The following PARD6G variants were observed in gnomAD, a reference collection of about 807,000 sequenced individuals.
The protein encoded by PARD6G is par-6 family cell polarity regulator gamma, also known as partitioning defective 6 homolog gamma.
A neutral mutation model predicts 10.7 loss-of-function variants in PARD6G; 7 were observed. The ratio of observed to expected loss-of-function variants is 0.66; its 90% CI spans 0.37 to 1.23. PARD6G has a LOEUF of 1.23. Among genes scored for constraint, PARD6G ranks in the 50% most tolerant of loss-of-function variants. PARD6G has a pLI of 0.02. For missense variants in PARD6G, 548 were observed against 571.8 expected (o/e 0.96, Z 0.42); for synonymous variants, 287 against 269.4 (o/e 1.07, Z -0.64).
intron 1 of PARD6G, among the ~76,000 whole-genome samples, chr18:80,221,052 T>C (rs543674975): frequency 6.6e-6 from 1 of 152,260 alleles, no homozygotes; most frequent in African/African-American, 2.4e-5. Context: ...TATAACAAGA[T>C]ATTGAATTAT....
intron 1 of PARD6G, among the ~76,000 whole-genome samples, chr18:80,211,635 C>G (rs1305987152): frequency 6.6e-6 from 1 of 152,132 alleles, no homozygotes; most frequent in Non-Finnish European, 1.5e-5. Context: ...GCATCATTCA[C>G]AATAGCTAGA....
chr18:80,230,437 C>T (rs987971816), intron 1 of PARD6G, among the ~76,000 whole-genome samples: 1 of 152,238 alleles, frequency 6.6e-6, no homozygotes, highest in Admixed American at 6.5e-5. Context: ...CTTGGGCTGA[C>T]ACGTTGGGAC....
intron 2 of PARD6G, chr18:80,178,218 C>A (rs2052827682): frequency 6.1e-6 from 1 of 163,166 alleles, no homozygotes; most frequent in East Asian, 1.9e-4. Context: ...ATCTCAACCA[C>A]CCGCTCCCAG....
intron 1 of PARD6G, among the ~76,000 whole-genome samples, chr18:80,207,749 A>T (rs1189688074): frequency 6.6e-6 from 1 of 152,192 alleles, no homozygotes; most frequent in Non-Finnish European, 1.5e-5. Flanking sequence ...ACTTAAAAAT[A>T]TTTTTAACAA....
rs1245378403 is a variant in PARD6G, at chr18:80,202,741, A to T, written c.264T>A (p.Asn88Lys). 1.2e-6 allele frequency: 2 copies of T among 1,613,202 alleles called. No homozygotes were observed. The highest frequency in any genetic ancestry group is 1.7e-6 in the Non-Finnish European group (2 of 1,179,864). Residue 88 changes from asparagine to lysine, a missense_variant, in exon 2 of 3, where the codon AAT becomes AAA. Around this residue, in one of 2 missense-constraint regions of PARD6G, gnomAD observed 235 missense variants for 291.9 expected, o/e 0.81. Coordinates refer to ENST00000353265, the MANE Select transcript of PARD6G (RefSeq NM_032510.4). Reference sequence around the variant, plus strand: ...TCTGGATGAAGACCCTGAGCAGGGGATTTGCACTAGAAACCGCCTTGCAGA... The same window carrying T: ...TCTGGATGAAGACCCTGAGCAGGGGTTTTGCACTAGAAACCGCCTTGCAGA... ...DNFCKAVSSANPLLRVFIQKR... is the reference protein window; with the variant it reads ...DNFCKAVSSAKPLLRVFIQKR...
At chr18:80,213,276 T>C (rs1319546555) in intron 1 of PARD6G, among the ~76,000 whole-genome samples, 1 of 152,228 alleles carries the variant, frequency 6.6e-6, no homozygotes, top group Non-Finnish European at 1.5e-5. Context: ...AAAGCTCTGA[T>C]ACATTCCAGA....
In PARD6G at chr18:80,181,098, C is replaced by T. The variant is rs576434526; in HGVS notation, c.296-20492G>A. On this transcript the variant is annotated intron_variant, in intron 2 of 2. Transcript: ENST00000353265. The surrounding 1 kb of genome is among the most constrained non-coding windows in gnomAD (Gnocchi z 7.9). ...GATCTCGACATTAGAACATGGGCTG[C>T]GACCGGAGAAGCAGCCTGCGGGGGT... Among the ~76,000 whole-genome samples the T allele has an allele frequency of 3.3e-5, 5 of 152,276 alleles. No individual in the cohort carries two copies. Among genetic ancestry groups the T allele is most frequent in the East Asian group, 3.9e-4 (2 of 5,180 alleles).
At position 80,184,539 on chromosome 18, in the gene PARD6G, A is replaced by G. The variant is rs536337197; in HGVS notation, c.295+18171T>C. ...AGGCCGTGAAACCCGCAGCGGGAGCAAGGCAGTGAAACCCTCAGAGGGAGC... is the reference window on the plus strand; with the variant it reads ...AGGCCGTGAAACCCGCAGCGGGAGCGAGGCAGTGAAACCCTCAGAGGGAGC... On this transcript the variant is annotated intron_variant, in intron 2 of 2. Coordinates refer to ENST00000353265, the MANE Select transcript of PARD6G (RefSeq NM_032510.4). The surrounding 1 kb of genome is among the most constrained non-coding windows in gnomAD (Gnocchi z 4.5). 4 of 146,964 alleles carry G rather than the reference A, an allele frequency of 2.7e-5. No individual in the cohort carries two copies. The highest frequency in any genetic ancestry group is 4.6e-5 in the Non-Finnish European group (3 of 65,696). The allele number at this position is 146,964 out of a possible 1,614,324, so 9.1% of individuals were successfully genotyped here. A position where few individuals can be genotyped will look rare whatever the true frequency, so the allele number is the denominator to read the frequency against.
Position 80,200,043 on chromosome 18 carries a change from A to C in PARD6G, c.295+2667T>G, listed in dbSNP as rs1021998682. Among the ~76,000 whole-genome samples the C allele has an allele frequency of 2.0e-5, 3 of 152,208 alleles. No individual in the cohort carries two copies. The highest frequency in any genetic ancestry group is 6.5e-5 in the Admixed American group (1 of 15,278). ...CTCTGTGATAGTAAATTCCCTCTTAACATATATTTAAATAAAATACGTCCG... is the reference window on the plus strand; with the variant it reads ...CTCTGTGATAGTAAATTCCCTCTTACCATATATTTAAATAAAATACGTCCG... On this transcript the variant is annotated intron_variant, in intron 2 of 2. Transcript: ENST00000353265. The surrounding 1 kb of genome is among the most constrained non-coding windows in gnomAD (Gnocchi z 4.4).
intron 1 of PARD6G, among the ~76,000 whole-genome samples, chr18:80,227,306 A>G (rs1190225293): frequency 3.9e-5 from 6 of 152,198 alleles, no homozygotes; most frequent in African/African-American, 1.4e-4. Context: ...ATTGGCTGAC[A>G]ATGTCACAAA....
chr18:80,214,481 A>G (rs545549289), intron 1 of PARD6G, among the ~76,000 whole-genome samples: 1 of 152,276 alleles, frequency 6.6e-6, no homozygotes, highest in South Asian at 2.1e-4. Context: ...AAAAAGAATG[A>G]TATCTCACCA....
Position 80,224,739 on chromosome 18 carries a change from T to C in PARD6G, c.73-21807A>G, listed in dbSNP as rs374349242. Reference sequence around the variant, plus strand: ...GCGGGCGCCTGTAGTCCCAGCTACTTGGGAGGCTGAGGCAGGAGAATGGCG... The same window carrying C: ...GCGGGCGCCTGTAGTCCCAGCTACTCGGGAGGCTGAGGCAGGAGAATGGCG... On this transcript the variant is annotated intron_variant, in intron 1 of 2. Transcript: ENST00000353265. Among the ~76,000 whole-genome samples, 16 of 151,926 alleles carry C rather than the reference T, an allele frequency of 1.1e-4. 1 individual carries two copies. The East Asian group carries it at 1.4e-3, about 13-fold the overall frequency.
rs1393597494 is a variant in PARD6G at position 80,183,549 on chromosome 18, C to G, written c.295+19161G>C. Reference sequence around the variant, plus strand: ...CCAGCTCGAGCACTGTGCGGCCACTCTCTCTCCAAGTACTCTCTGCCCGGG... The same window carrying G: ...CCAGCTCGAGCACTGTGCGGCCACTGTCTCTCCAAGTACTCTCTGCCCGGG... On this transcript the variant is annotated intron_variant, in intron 2 of 2. Coordinates refer to ENST00000353265, the MANE Select transcript of PARD6G (RefSeq NM_032510.4). The surrounding 1 kb of genome is among the most constrained non-coding windows in gnomAD (Gnocchi z 4.5). The G allele has an allele frequency of 5.3e-6, 1 of 188,828 alleles. No individual in the cohort carries two copies. Among genetic ancestry groups the G allele is most frequent in the Non-Finnish European group, 1.1e-5 (1 of 90,964 alleles). 11.7% of individuals were successfully genotyped at this position (188,828 alleles called of 1,614,324 possible).
At chr18:80,191,214 C>G (rs1338914334) in intron 2 of PARD6G, among the ~76,000 whole-genome samples, 1 of 152,178 alleles carries the variant, frequency 6.6e-6, no homozygotes, top group Non-Finnish European at 1.5e-5. Flanking sequence ...CTAGAAGATC[C>G]AGAGCTGATC....
At chr18:80,213,608 A>G (rs558621731) in intron 1 of PARD6G, among the ~76,000 whole-genome samples, 1 of 152,354 alleles carries the variant, frequency 6.6e-6, no homozygotes, top group Non-Finnish European at 1.5e-5. Context: ...AAGTCACTAA[A>G]AAATCCAACA....
chr18:80,162,785 A>T, intron 2 of PARD6G, among the ~76,000 whole-genome samples: 1 of 152,134 alleles, frequency 6.6e-6, no homozygotes, highest in East Asian at 1.9e-4. Context: ...GGGGATCAAC[A>T]ACACAAAGTT....
rs1241249985 is a variant in PARD6G, at chr18:80,160,078, C to T, written c.824G>A (p.Gly275Asp). ...GCGCGGGGCGGGGGGACCCACGAAGCCCGCGGTGCCGTCCGAGGGCGGTCC... is the reference window on the plus strand; with the variant it reads ...GCGCGGGGCGGGGGGACCCACGAAGTCCGCGGTGCCGTCCGAGGGCGGTCC... ...SSGPPSDGTA[G>D]FVGPPAPRVL... is the part of the protein sequence containing the mutation. Residue 275 changes from glycine to aspartate, a missense_variant, in exon 3 of 3, where the codon GGC becomes GAC. Coordinates refer to ENST00000353265, the MANE Select transcript of PARD6G (RefSeq NM_032510.4). 1 of 1,578,938 alleles carries T rather than the reference C, an allele frequency of 6.3e-7. No individual in the cohort carries two copies.
intron 2 of PARD6G, chr18:80,178,016 A>G (rs888458681): frequency 1.3e-5 from 2 of 149,688 alleles, no homozygotes; most frequent in African/African-American, 2.7e-5. Context: ...GGCATGGGAT[A>G]ATCATGGTCC....
rs989325609 is a variant in PARD6G, at chr18:80,246,063, G to A, written c.72+1214C>T. On this transcript the variant is annotated intron_variant, in intron 1 of 2. Coordinates refer to ENST00000353265, the MANE Select transcript of PARD6G (RefSeq NM_032510.4). This position sits in a 1 kb window ranked among gnomAD's most constrained non-coding sequence, Gnocchi z 6.7. ...TCCAAAGGTCAGAGCAGCACAGCGA[G>A]AGGGGGCTGTTGGACTTGCCTCCCC... 3.3e-5 allele frequency among the ~76,000 whole-genome samples: 5 copies of A among 152,100 alleles called. No individual in the cohort carries two copies. The highest frequency in any genetic ancestry group is 1.2e-4 in the African/African-American group (5 of 41,414).
Sources: allele counts gnomAD v4.1 joint callset (sites outside exome capture counted in the v4.1 genomes callset), GRCh38; gene constraint gnomAD v4.1.1; regional missense constraint gnomAD v4.1.1; non-coding constraint Gnocchi (gnomAD v3.1); transcripts MANE v1.5; gene names NCBI Gene and HGNC (gene_info 2026-07-23, HGNC 2026-07-21).